SLC12A7: variants seen among roughly 807,000 people sequenced by gnomAD.
SLC12A7 encodes the protein solute carrier family 12 member 7.
Under a neutral mutation model 120.6 loss-of-function variants are expected in SLC12A7, and 100 were observed. The observed-to-expected ratio is 0.83, with a 90% CI of 0.71 to 0.98. The LOEUF is 0.98. Ranked by LOEUF, SLC12A7 falls within the 50% of genes least tolerant of loss-of-function variation. The pLI is 0.00. For synonymous variants in SLC12A7, 760 were observed against 678.0 expected, an observed-to-expected ratio of 1.12 and a Z score of -1.88; for missense variants, 1,373 against 1,548.1, an observed-to-expected ratio of 0.89 and a Z score of 1.90.
rs774713045 is a variant in SLC12A7, at chr5:1,086,951, C to T, written c.627G>A (p.Thr209=). 8.1e-6 allele frequency: 13 copies of T among 1,612,782 alleles called. No individual in the cohort carries two copies. The highest frequency in any genetic ancestry group is 4.5e-5 in the East Asian group (2 of 44,900). Residue 209 remains threonine (T), a synonymous_variant, in exon 6 of 24, where the codon ACG becomes ACA. Coordinates refer to ENST00000264930, the MANE Select transcript of SLC12A7 (RefSeq NM_006598.3). ...GAVGLCFYLG[T]TFAGAMYILG... ...AAATATACATGGCCCCTGCAAACGT[C>T]GTGCCCAGGTAGAAGCAGAGGCCGA...
At chr5:1,144,122 G>A in the SLC12A7 span, among the ~76,000 whole-genome samples, 2 of 152,272 alleles carry the variant, frequency 1.3e-5, no homozygotes, top group African/African-American at 4.8e-5. Context: ...GGACCTGGAC[G>A]CACCCACCAC....
the SLC12A7 span, among the ~76,000 whole-genome samples, chr5:1,138,161 A>G: frequency 1.2e-4 from 19 of 152,090 alleles, no homozygotes; most frequent in South Asian, 3.1e-3. Context: ...CCAAAGAGTG[A>G]GCAGCAGCAA....
At chr5:1,127,909 G>A in the SLC12A7 span, among the ~76,000 whole-genome samples, 1 of 152,200 alleles carries the variant, frequency 6.6e-6, no homozygotes, top group East Asian at 1.9e-4. Context: ...CATCAAGGAA[G>A]GGAAGATAAA....
chr5:1,099,407 C>T (rs1414675741), intron 1 of SLC12A7, among the ~76,000 whole-genome samples: 2 of 151,190 alleles, frequency 1.3e-5, no homozygotes, highest in Non-Finnish European at 2.9e-5. Context: ...CGACCCGGTC[C>T]ACCTCCTCTG....
At chr5:1,144,929 C>T in the SLC12A7 span, among the ~76,000 whole-genome samples, 2 of 152,256 alleles carry the variant, frequency 1.3e-5, no homozygotes, top group South Asian at 2.1e-4. Flanking sequence ...TGATTCGGAA[C>T]GTCCTGAGGC....
At chr5:1,139,907 G>A in the SLC12A7 span, among the ~76,000 whole-genome samples, 11 of 152,326 alleles carry the variant, frequency 7.2e-5, no homozygotes, top group African/African-American at 1.7e-4. Flanking sequence ...CGGCGTTTCC[G>A]GATGCATGGG....
At chr5:1,102,690 T>TTCCCGGCTCCCTG (rs1358129204) in intron 1 of SLC12A7, among the ~76,000 whole-genome samples, 1 of 152,168 alleles carries the variant, frequency 6.6e-6, no homozygotes, top group Non-Finnish European at 1.5e-5. Flanking sequence ...AAGTCCAGGC[T>TTCCCGGCTCCCTG]TCCCGGCTCC....
chr5:1,105,627 T>C (rs925958406), intron 1 of SLC12A7, among the ~76,000 whole-genome samples: 7 of 152,262 alleles, frequency 4.6e-5, no homozygotes, highest in African/African-American at 7.2e-5. Flanking sequence ...GAGGTTTATC[T>C]GCACAGAACA....
At chr5:1,105,737 C>G (rs948912763) in intron 1 of SLC12A7, among the ~76,000 whole-genome samples, 25 of 152,240 alleles carry the variant, frequency 1.6e-4, no homozygotes, top group African/African-American at 5.5e-4. Flanking sequence ...TCCCCAGCAT[C>G]TGAGAAGGAA....
At chr5:1,111,834 C>G (rs189175327) in intron 1 of SLC12A7, 34 bp downstream of exon 1, 2 of 1,199,038 alleles carry the variant, frequency 1.7e-6, no homozygotes, top group Non-Finnish European at 2.1e-6. Flanking sequence ...TCGGGGCGCT[C>G]GGCCTTTGTC....
chr5:1,084,371 C>G (rs1739575442), intron 7 of SLC12A7, among the ~76,000 whole-genome samples: 1 of 152,214 alleles, frequency 6.6e-6, no homozygotes, highest in Non-Finnish European at 1.5e-5. Flanking sequence ...CCCGCGCCAG[C>G]ACAGCCACGC....
chr5:1,078,814 G>GGGGTC (rs1417217614), intron 10 of SLC12A7, 56 bp from the exon 11 acceptor site: 2 of 588,698 alleles, frequency 3.4e-6, no homozygotes, highest in African/African-American at 4.6e-5. Context: ...TCAGGTACGG[G>GGGGTC]GGGTGGGGTG....
chr5:1,063,255 A>G (rs1009289555), intron 20 of SLC12A7, among the ~76,000 whole-genome samples: 20 of 152,192 alleles, frequency 1.3e-4, no homozygotes, highest in Non-Finnish European at 2.6e-4. Flanking sequence ...CTCACTGACC[A>G]GTGCCCCTCT....
At chr5:1,075,643 A>G (rs1738247810) in intron 14 of SLC12A7, among the ~76,000 whole-genome samples, 153 bp from the exon 15 acceptor site, 1 of 152,188 alleles carries the variant, frequency 6.6e-6, no homozygotes. Context: ...GCTGTACTCA[A>G]CCACCTCTGA....
chr5:1,118,529 G>T, the SLC12A7 span, among the ~76,000 whole-genome samples: 1 of 152,244 alleles, frequency 6.6e-6, no homozygotes, highest in Non-Finnish European at 1.5e-5. Flanking sequence ...GCCCTCGCCA[G>T]ACACAGATGA....
At chr5:1,076,271 TG>T (rs963116936) in intron 13 of SLC12A7, 35 bp from the exon 14 acceptor site, 5 of 1,548,390 alleles carry the variant, frequency 3.2e-6, no homozygotes, top group Middle Eastern at 1.7e-4. Flanking sequence ...ACGGGCCCAC[TG>T]GGCCCCCCTG....
chr5:1,079,913 G>A (rs1209206611), intron 9 of SLC12A7, among the ~76,000 whole-genome samples: 1 of 152,252 alleles, frequency 6.6e-6, no homozygotes, highest in African/African-American at 2.4e-5. Context: ...CAGGCCAGCA[G>A]ACGCTGCGAC....
chr5:1,121,439 C>G, the SLC12A7 span, among the ~76,000 whole-genome samples: 4 of 152,166 alleles, frequency 2.6e-5, no homozygotes, highest in Admixed American at 6.5e-5. Flanking sequence ...CCCCTGCAGC[C>G]GAGTCCCAAG....
At chr5:1,148,758 A>C in the SLC12A7 span, among the ~76,000 whole-genome samples, 1 of 152,194 alleles carries the variant, frequency 6.6e-6, no homozygotes, top group East Asian at 1.9e-4. Context: ...CCTTGTTGTA[A>C]GGGTTAAAGC....
Sources: allele counts gnomAD v4.1 joint callset (sites outside exome capture counted in the v4.1 genomes callset), GRCh38; gene constraint gnomAD v4.1.1; transcripts MANE v1.5; gene names NCBI Gene and HGNC (gene_info 2026-07-23, HGNC 2026-07-21).